GAREM1: variants seen among roughly 807,000 people sequenced by gnomAD.
The protein encoded by GAREM1 is GRB2-associated and regulator of MAPK protein 1.
A neutral mutation model predicts 71.3 loss-of-function variants in GAREM1; 26 were observed. The ratio of observed to expected loss-of-function variants is 0.36; its 90% CI spans 0.27 to 0.51. The LOEUF (loss-of-function observed/expected upper bound fraction) is 0.51. Among genes scored for constraint, GAREM1 ranks in the 20% least tolerant of loss-of-function variants. The pLI, the probability that GAREM1 is intolerant of heterozygous loss-of-function variation, is 0.95. For synonymous variants in GAREM1, 440 were observed against 433.2 expected (o/e 1.02, Z -0.20); for missense variants, 1,026 against 1,103.1 (o/e 0.93, Z 0.99).
At chr18:32,452,591 C>T (rs2048850503) in intron 1 of GAREM1, among the ~76,000 whole-genome samples, 1 of 152,222 alleles carries the variant, frequency 6.6e-6, no homozygotes, top group African/African-American at 2.4e-5. Context: ...TATCACATGA[C>T]AGTATTTAAT....
chr18:32,433,879 T>C (rs1204141958), intron 1 of GAREM1, among the ~76,000 whole-genome samples: 1 of 152,190 alleles, frequency 6.6e-6, no homozygotes, highest in Non-Finnish European at 1.5e-5. Context: ...AAATGATTTA[T>C]AGAATTAGTA....
chr18:32,410,465 A>C (rs1179974377), intron 1 of GAREM1, among the ~76,000 whole-genome samples: 1 of 152,128 alleles, frequency 6.6e-6, no homozygotes, highest in Non-Finnish European at 1.5e-5. Flanking sequence ...CTCCTGCCTT[A>C]GCCTTCCAAA....
intron 2 of GAREM1, among the ~76,000 whole-genome samples, chr18:32,313,324 A>T (rs1381031543): frequency 6.6e-6 from 1 of 152,108 alleles, no homozygotes; most frequent in African/African-American, 2.4e-5. Context: ...ATGGATTTTG[A>T]TGGAATTGAG....
chr18:32,396,012 C>T lies in GAREM1; in HGVS notation c.122-2977G>A, dbSNP rs562857845. ...GCAACATTTGCTGTTCAGCAATATT[C>T]GCTGTTCTGCAGCCTCCACTGCTGA... On this transcript the variant is annotated intron_variant, in intron 1 of 5. Transcript: ENST00000269209. Among the ~76,000 whole-genome samples, 66 of 152,308 alleles carry T rather than the reference C, an allele frequency of 4.3e-4. No homozygotes were observed. The East Asian group carries it at 9.6e-3, about 22-fold the overall frequency.
Position 32,291,955 on chromosome 18 carries a change from T to C in GAREM1, c.394-3752A>G, listed in dbSNP as rs1323872857. On this transcript the variant is annotated intron_variant, in intron 3 of 5. Coordinates refer to ENST00000269209, the MANE Select transcript of GAREM1 (RefSeq NM_001242409.2). ...TGAACAGTGCTGCAATAAATATACA[T>C]GTGCATCTGTCTTTATAGCAGAATG... Among the ~76,000 whole-genome samples the C allele has an allele frequency of 2.0e-5, 3 of 152,326 alleles. 1 individual carries two copies. In the South Asian group the frequency reaches 6.2e-4, roughly 32 times the overall value.
chr18:32,362,923 G>A (rs1202735165), intron 2 of GAREM1, among the ~76,000 whole-genome samples: 4 of 152,162 alleles, frequency 2.6e-5, no homozygotes, highest in Admixed American at 2.6e-4. Flanking sequence ...AGCAAAGGCT[G>A]CTCTTCCAAG....
chr18:32,378,406 A>T (rs977895550), intron 2 of GAREM1, among the ~76,000 whole-genome samples: 4 of 151,792 alleles, frequency 2.6e-5, no homozygotes, highest in African/African-American at 9.7e-5. Context: ...AGGCTGAGGC[A>T]CGAGAATCTC....
chr18:32,411,315 C>T (rs937452571), intron 1 of GAREM1, among the ~76,000 whole-genome samples: 2 of 152,122 alleles, frequency 1.3e-5, no homozygotes, highest in Admixed American at 6.5e-5. Context: ...AGAGGATAAA[C>T]TGAGCCACAA....
At chr18:32,466,642 C>A (rs1482474111) in intron 1 of GAREM1, among the ~76,000 whole-genome samples, 3 of 152,132 alleles carry the variant, frequency 2.0e-5, no homozygotes, top group Non-Finnish European at 2.9e-5. Flanking sequence ...AGAAAATGAA[C>A]AATTTCCCAC....
chr18:32,316,344 A>G (rs1271698736), intron 2 of GAREM1, among the ~76,000 whole-genome samples: 1 of 152,184 alleles, frequency 6.6e-6, no homozygotes, highest in East Asian at 1.9e-4. Context: ...TCTCTTTTCC[A>G]TAGTGTTTTC....
chr18:32,270,130 T>TA, intron 5 of GAREM1, 87 bp downstream of exon 5: 1 of 1,359,008 alleles, frequency 7.4e-7, no homozygotes, highest in Non-Finnish European at 1.0e-6. Context: ...CCCTGCCTGT[T>TA]AGGGCTACCG....
chr18:32,298,424 G>T (rs1291704428), intron 3 of GAREM1, among the ~76,000 whole-genome samples: 1 of 151,588 alleles, frequency 6.6e-6, no homozygotes, highest in Admixed American at 6.6e-5. Context: ...AATAGCAAAA[G>T]AAACAATGCA....
chr18:32,428,535 G>A (rs2048595754), intron 1 of GAREM1, among the ~76,000 whole-genome samples: 2 of 152,160 alleles, frequency 1.3e-5, no homozygotes, highest in Non-Finnish European at 2.9e-5. Flanking sequence ...CTCCAGCCAT[G>A]TGAGGTACCT....
chr18:32,343,192 C>T (rs7228337), intron 2 of GAREM1, among the ~76,000 whole-genome samples: 17,355 of 151,956 alleles, frequency 0.11, 1,953 homozygotes, highest in African/African-American at 0.29. Flanking sequence ...AAGTACACTA[C>T]GTAGAAAATG....
At chr18:32,432,975 CA>C (rs1219903580) in intron 1 of GAREM1, among the ~76,000 whole-genome samples, 1 of 151,928 alleles carries the variant, frequency 6.6e-6, no homozygotes, top group Non-Finnish European at 1.5e-5. Flanking sequence ...CAAAACCAGA[CA>C]AAAAGAGTAC....
intron 1 of GAREM1, among the ~76,000 whole-genome samples, chr18:32,443,690 G>C (rs769695121): frequency 1.9e-4 from 29 of 152,154 alleles, no homozygotes; most frequent in Non-Finnish European, 4.1e-4. Flanking sequence ...AAATGGCACA[G>C]ACACTCTGGA....
At chr18:32,422,840 T>G (rs112395371) in intron 1 of GAREM1, among the ~76,000 whole-genome samples, 2,430 of 152,266 alleles carry the variant, frequency 0.016, 76 homozygotes, top group African/African-American at 0.056. Context: ...GAACTAGAAG[T>G]CTGCTTGGAG....
chr18:32,364,192 G>A (rs1022247253), intron 2 of GAREM1, among the ~76,000 whole-genome samples: 1 of 149,454 alleles, frequency 6.7e-6, no homozygotes, highest in African/African-American at 2.5e-5. Flanking sequence ...CCACCACCAC[G>A]CCCAGCTAAT....
At chr18:32,272,203 G>A (rs77261659) in intron 4 of GAREM1, among the ~76,000 whole-genome samples, 3,180 of 152,218 alleles carry the variant, frequency 0.021, 38 homozygotes, top group Non-Finnish European at 0.029. Flanking sequence ...CCTCTACCTC[G>A]CATCCCTGGC....
Sources: gnomAD v4.1 joint callset for allele counts (sites outside exome capture counted in the v4.1 genomes callset) on GRCh38, gnomAD v4.1.1 for gene constraint, MANE v1.5 for transcripts, NCBI Gene and HGNC (gene_info 2026-07-23, HGNC 2026-07-21) for gene names.